GFRA1: variants seen among roughly 807,000 people sequenced by gnomAD.
GFRA1 encodes the protein GDNF family receptor alpha 1, also known as GDNF family receptor alpha-1.
Under a neutral mutation model 51.6 loss-of-function variants are expected in GFRA1, and 16 were observed. The observed-to-expected ratio is 0.31, with a 90% CI of 0.21 to 0.47. GFRA1 has a LOEUF of 0.47. GFRA1 is among the 20% of genes least tolerant of loss of function. GFRA1 has a pLI of 1.00. For synonymous variants in GFRA1, 270 were observed against 241.3 expected, an observed-to-expected ratio of 1.12 and a Z score of -1.10; for missense variants, 530 against 594.3, an observed-to-expected ratio of 0.89 and a Z score of 1.13.
At chr10:116,097,292 T>C (rs906565017) in intron 6 of GFRA1, among the ~76,000 whole-genome samples, 1 of 151,764 alleles carries the variant, frequency 6.6e-6, no homozygotes, top group Admixed American at 6.6e-5. Context: ...AGCCCAGGGG[T>C]AGTGATTTAT....
At chr10:116,209,520 G>A (rs1284069061) in intron 5 of GFRA1, among the ~76,000 whole-genome samples, 1 of 152,114 alleles carries the variant, frequency 6.6e-6, no homozygotes, top group Non-Finnish European at 1.5e-5. Flanking sequence ...GGCGTGTCCA[G>A]GAAGGCAGGG....
chr10:116,184,680 T>A (rs1962538002), intron 5 of GFRA1, among the ~76,000 whole-genome samples: 1 of 152,194 alleles, frequency 6.6e-6, no homozygotes, highest in Non-Finnish European at 1.5e-5. Context: ...CATCAGAGGG[T>A]CACAGCAGAG....
At chr10:116,097,147 C>CA (rs1351138954) in intron 6 of GFRA1, among the ~76,000 whole-genome samples, 1 of 152,180 alleles carries the variant, frequency 6.6e-6, no homozygotes, top group Non-Finnish European at 1.5e-5. Context: ...CGGAGATCCA[C>CA]ACTGGGAAAA....
At chr10:116,075,774 T>C (rs564269889) in intron 9 of GFRA1, among the ~76,000 whole-genome samples, 2 of 152,286 alleles carry the variant, frequency 1.3e-5, no homozygotes, top group East Asian at 3.9e-4. Flanking sequence ...AGACGGAGTC[T>C]TGCTCTTTCA....
chr10:116,252,230 A>C (rs1388918707), intron 4 of GFRA1, among the ~76,000 whole-genome samples: 1 of 151,920 alleles, frequency 6.6e-6, no homozygotes, highest in Non-Finnish European at 1.5e-5. Context: ...TCAGTCTCCA[A>C]GGCTCGCCCA....
intron 4 of GFRA1, among the ~76,000 whole-genome samples, chr10:116,251,070 T>C (rs1418133250): frequency 6.6e-6 from 1 of 152,246 alleles, no homozygotes; most frequent in Non-Finnish European, 1.5e-5. Flanking sequence ...GGTCCCCTTC[T>C]CCCCTCTGTT....
intron 5 of GFRA1, among the ~76,000 whole-genome samples, chr10:116,177,586 A>C (rs906852789): frequency 6.6e-6 from 1 of 152,176 alleles, no homozygotes; most frequent in Non-Finnish European, 1.5e-5. Flanking sequence ...AGCAGATGAG[A>C]GTATGAAGAA....
chr10:116,143,753 A>C (rs1048008124), intron 5 of GFRA1, among the ~76,000 whole-genome samples: 1 of 152,190 alleles, frequency 6.6e-6, no homozygotes, highest in African/African-American at 2.4e-5. Flanking sequence ...GGAAATTAAC[A>C]TACAGAGAAC....
chr10:116,087,418 C>G (rs1454947610), intron 9 of GFRA1, among the ~76,000 whole-genome samples: 2 of 152,190 alleles, frequency 1.3e-5, no homozygotes, highest in African/African-American at 4.8e-5. Context: ...AAAATGTTGA[C>G]AAGTTGCATC....
chr10:116,149,663 TTAA>T (rs1242020955), intron 5 of GFRA1, among the ~76,000 whole-genome samples: 1 of 152,226 alleles, frequency 6.6e-6, no homozygotes, highest in Non-Finnish European at 1.5e-5. Flanking sequence ...TCAGTCTATC[TTAA>T]TGATACAGAT....
chr10:116,106,927 CTCTT>C (rs1313464293), intron 6 of GFRA1, among the ~76,000 whole-genome samples: 2 of 152,176 alleles, frequency 1.3e-5, no homozygotes, highest in Admixed American at 6.5e-5. Context: ...TCCACTCTCT[CTCTT>C]GCTCTGGCTC....
At chr10:116,235,212 G>A in intron 4 of GFRA1, among the ~76,000 whole-genome samples, 1 of 152,132 alleles carries the variant, frequency 6.6e-6, no homozygotes, top group East Asian at 1.9e-4. Context: ...AAGCTAGTTT[G>A]CCAAGGCCAG....
intron 4 of GFRA1, among the ~76,000 whole-genome samples, chr10:116,242,518 G>A (rs1425095664): frequency 6.6e-6 from 1 of 150,776 alleles, no homozygotes; most frequent in South Asian, 2.1e-4. Context: ...ATCGTGATGT[G>A]TCGCCCAGGC....
intron 9 of GFRA1, among the ~76,000 whole-genome samples, chr10:116,085,516 C>A (rs1189012225): frequency 8.3e-6 from 1 of 119,870 alleles, no homozygotes. Context: ...ATTTCTAGGA[C>A]CCCCATCCTC....
intron 4 of GFRA1, among the ~76,000 whole-genome samples, chr10:116,260,435 C>T (rs1456659936): frequency 6.6e-6 from 1 of 152,164 alleles, no homozygotes; most frequent in African/African-American, 2.4e-5. Flanking sequence ...TTTTTGAGAG[C>T]TTGTATTTAG....
intron 5 of GFRA1, among the ~76,000 whole-genome samples, chr10:116,131,801 G>A (rs1482910618): frequency 4.6e-5 from 7 of 150,986 alleles, no homozygotes; most frequent in Admixed American, 3.3e-4. Context: ...GGGGGTGATG[G>A]TAATGTTCTC....
chr10:116,226,445 G>A (rs1449021350), intron 4 of GFRA1, among the ~76,000 whole-genome samples: 2 of 152,150 alleles, frequency 1.3e-5, no homozygotes, highest in African/African-American at 4.8e-5. Context: ...TGCTAAAAGG[G>A]ATTTCATCGA....
At chr10:116,110,049 C>T (rs563772489) in intron 6 of GFRA1, among the ~76,000 whole-genome samples, 1 of 152,300 alleles carries the variant, frequency 6.6e-6, no homozygotes, top group South Asian at 2.1e-4. Context: ...CTCCCTGTGC[C>T]CGCTGCCTCT....
chr10:116,204,891 T>C (rs529008811), intron 5 of GFRA1, among the ~76,000 whole-genome samples: 2 of 152,240 alleles, frequency 1.3e-5, no homozygotes, highest in South Asian at 4.1e-4. Flanking sequence ...AGGCTATGCA[T>C]AGATTTCCTT....
Sources: gnomAD v4.1 joint callset for allele counts (sites outside exome capture counted in the v4.1 genomes callset) on GRCh38, gnomAD v4.1.1 for gene constraint, MANE v1.5 for transcripts, NCBI Gene and HGNC (gene_info 2026-07-23, HGNC 2026-07-21) for gene names.